The following ZNF704 variants were observed in gnomAD, a reference collection of about 807,000 sequenced individuals.
The protein encoded by ZNF704 is glucocorticoid induced gene 1.
In ZNF704, 10 loss-of-function variants were observed where a neutral mutation model predicts 44.7. The ratio of observed to expected loss-of-function variants is 0.22; its 90% CI spans 0.14 to 0.38. ZNF704 has a LOEUF of 0.38. ZNF704 is among the 10% of genes least tolerant of loss of function. The probability of loss-of-function intolerance (pLI) is 1.00; values close to 1 mark genes in which losing one functional copy is unlikely to be tolerated. For synonymous variants in ZNF704, 211 were observed against 207.6 expected (o/e 1.02, Z -0.14); for missense variants, 390 against 545.5 (o/e 0.71, Z 2.84).
At chr8:80,815,678 C>T (rs1402404198) in intron 2 of ZNF704, among the ~76,000 whole-genome samples, 1 of 152,188 alleles carries the variant, frequency 6.6e-6, no homozygotes, top group Non-Finnish European at 1.5e-5. Flanking sequence ...CTATCCCAGT[C>T]TTAGGTCTGT....
intron 2 of ZNF704, among the ~76,000 whole-genome samples, chr8:80,813,785 A>G (rs1335263020): frequency 2.0e-5 from 3 of 152,214 alleles, no homozygotes; most frequent in South Asian, 2.1e-4. Flanking sequence ...AGGCTGAAGC[A>G]GAAGAATGGC....
chr8:80,851,210 C>A (rs997815816), intron 1 of ZNF704, among the ~76,000 whole-genome samples: 2 of 152,154 alleles, frequency 1.3e-5, no homozygotes, highest in African/African-American at 4.8e-5. Context: ...ACCCAGCCAT[C>A]CCATTACTGC....
At chr8:80,859,307 T>C (rs1221181566) in intron 1 of ZNF704, among the ~76,000 whole-genome samples, 3 of 152,250 alleles carry the variant, frequency 2.0e-5, no homozygotes, top group African/African-American at 7.2e-5. Flanking sequence ...AAAAAGCCAC[T>C]ACTTTGTGTT....
At chr8:80,875,401 T>C (rs998033552), upstream of ZNF704, among the ~76,000 whole-genome samples, 3 of 152,016 alleles carry the variant, frequency 2.0e-5, no homozygotes, top group Non-Finnish European at 1.5e-5. Flanking sequence ...GCCACCTGGG[T>C]TCAAGCGATT....
In ZNF704 at chr8:80,841,611, T is replaced by C. The variant is rs2129966205; in HGVS notation, c.-21-19996A>G. Among the ~76,000 whole-genome samples, 2 of 152,314 alleles carry C rather than the reference T, an allele frequency of 1.3e-5. 1 individual carries two copies. The highest frequency in any genetic ancestry group is 1.3e-4 in the Admixed American group (2 of 15,294). ...AACTTTAATATGTCATATAAAAATA[T>C]CACTGCTAATAGACTTGTTCTTAGT... On this transcript the variant is annotated intron_variant, in intron 1 of 8. Transcript: ENST00000327835.
At chr8:80,734,047 A>G (rs575233830) in intron 2 of ZNF704, among the ~76,000 whole-genome samples, 1 of 152,338 alleles carries the variant, frequency 6.6e-6, no homozygotes, top group East Asian at 1.9e-4. Context: ...TATTCTCCAG[A>G]TGGTGTTTCG....
intron 2 of ZNF704, chr8:80,812,466 C>CTCTGAGAAAT (rs143950330): frequency 0.063 from 9,670 of 153,282 alleles, 327 homozygotes; most frequent in Non-Finnish European, 0.075. Flanking sequence ...GGGTGCATGT[C>CTCTGAGAAAT]TCTTAGAAAA....
At position 80,641,325 on chromosome 8, in the gene ZNF704, G is replaced by A. The variant is rs529824338; in HGVS notation, c.*41C>T. Reference sequence around the variant, plus strand: ...ACACCTGCAGTGGCAGGCCAGGGCAGGAGCGGCTCAGGGCCCTGAGCCCCT... The same window carrying A: ...ACACCTGCAGTGGCAGGCCAGGGCAAGAGCGGCTCAGGGCCCTGAGCCCCT... On this transcript the variant is annotated 3_prime_UTR_variant, in exon 9 of 9. Transcript: ENST00000327835. 86 of 1,337,366 alleles carry A rather than the reference G, an allele frequency of 6.4e-5. No homozygotes were observed. In the African/African-American group the frequency reaches 9.8e-4, roughly 15 times the overall value. 82.8% of individuals were successfully genotyped at this position (1,337,366 alleles called of 1,614,324 possible).
Position 80,726,726 on chromosome 8 carries a change from C to A in ZNF704, c.222-33619G>T, listed in dbSNP as rs186481672. ...GTATGTTTAAAAATTTCCGTAACAA[C>A]AGGTAAAAACAAAACAGGCCTTTTT... On this transcript the variant is annotated intron_variant, in intron 2 of 8. Coordinates refer to ENST00000327835, the MANE Select transcript of ZNF704 (RefSeq NM_001033723.3). Among the ~76,000 whole-genome samples, 49 of 152,124 alleles carry A rather than the reference C, an allele frequency of 3.2e-4. No homozygotes were observed. The East Asian group carries it at 9.4e-3, about 29-fold the overall frequency.
intron 2 of ZNF704, among the ~76,000 whole-genome samples, chr8:80,715,087 C>G (rs73273071): frequency 0.069 from 10,564 of 152,222 alleles, 1,222 homozygotes; most frequent in African/African-American, 0.24. Context: ...GGCCAAATAA[C>G]TATACTCTGC....
intron 2 of ZNF704, among the ~76,000 whole-genome samples, chr8:80,748,546 C>A (rs974994806): frequency 1.3e-5 from 2 of 152,184 alleles, no homozygotes; most frequent in African/African-American, 4.8e-5. Flanking sequence ...CCCAAACCAA[C>A]GTATTAGCAA....
chr8:80,871,625 G>C (rs1188125681), intron 1 of ZNF704, among the ~76,000 whole-genome samples: 2 of 152,206 alleles, frequency 1.3e-5, no homozygotes, highest in Non-Finnish European at 2.9e-5. Flanking sequence ...GCATCAGGAA[G>C]GTGTCCACTG....
intron 4 of ZNF704, among the ~76,000 whole-genome samples, chr8:80,683,474 A>G (rs185304529): frequency 1.3e-5 from 2 of 152,210 alleles, no homozygotes; most frequent in Non-Finnish European, 2.9e-5. Context: ...AGCTGTAGCT[A>G]TGTCTGATTA....
At chr8:80,699,944 T>C (rs1818783543) in intron 2 of ZNF704, among the ~76,000 whole-genome samples, 2 of 152,258 alleles carry the variant, frequency 1.3e-5, no homozygotes, top group South Asian at 4.2e-4. Flanking sequence ...CACTCCTCCT[T>C]TCCACTGGAG....
intron 1 of ZNF704, among the ~76,000 whole-genome samples, chr8:80,844,138 A>G (rs1808728793): frequency 1.3e-5 from 2 of 152,158 alleles, no homozygotes; most frequent in Non-Finnish European, 2.9e-5. Context: ...CATGCAGACT[A>G]TGGGCACACA....
intron 2 of ZNF704, among the ~76,000 whole-genome samples, chr8:80,781,475 T>G (rs1807522116): frequency 6.6e-6 from 1 of 152,242 alleles, no homozygotes; most frequent in Non-Finnish European, 1.5e-5. Flanking sequence ...TTCTTTTGAT[T>G]TTCCCCCAAC....
intron 2 of ZNF704, among the ~76,000 whole-genome samples, chr8:80,715,759 G>T (rs893461944): frequency 6.6e-6 from 1 of 152,134 alleles, no homozygotes; most frequent in Non-Finnish European, 1.5e-5. Flanking sequence ...CTCTCCAGGA[G>T]ACTCTAATAC....
At chr8:80,755,238 G>A (rs973315471) in intron 2 of ZNF704, among the ~76,000 whole-genome samples, 12 of 152,220 alleles carry the variant, frequency 7.9e-5, no homozygotes, top group African/African-American at 2.4e-4. Flanking sequence ...AGGCCAAGAC[G>A]GGCAGATCAT....
At chr8:80,695,234 A>G (rs1818707062) in intron 2 of ZNF704, among the ~76,000 whole-genome samples, 1 of 152,210 alleles carries the variant, frequency 6.6e-6, no homozygotes, top group South Asian at 2.1e-4. Context: ...GGCTTGCTGC[A>G]TATCCACTAA....
Sources: allele counts gnomAD v4.1 joint callset (sites outside exome capture counted in the v4.1 genomes callset), GRCh38; gene constraint gnomAD v4.1.1; transcripts MANE v1.5; gene names NCBI Gene and HGNC (gene_info 2026-07-23, HGNC 2026-07-21).